Variants in MACROD1 observed in about 807,000 individuals in gnomAD.
MACROD1 encodes the protein mono-ADP ribosylhydrolase 1, also known as ADP-ribose glycohydrolase MACROD1.
In MACROD1, 31 loss-of-function variants were observed where a neutral mutation model predicts 41.4. The observed-to-expected ratio is 0.75, with a 90% CI of 0.56 to 1.01. MACROD1 has a LOEUF of 1.01. Ranked by LOEUF, MACROD1 falls within the 50% of genes least tolerant of loss-of-function variation. The probability of loss-of-function intolerance (pLI) is 0.00; values close to 1 mark genes in which losing one functional copy is unlikely to be tolerated. For synonymous variants in MACROD1, 252 were observed against 203.4 expected (o/e 1.24, Z -2.03); for missense variants, 473 against 460.0 (o/e 1.03, Z -0.26).
At position 64,113,871 on chromosome 11, in the gene MACROD1, C is replaced by CATGGATGGATGG. The variant is rs202172057; in HGVS notation, c.517+37356_517+37367dup. Among the ~76,000 whole-genome samples the CATGGATGGATGG allele has an allele frequency of 1.8e-4, 14 of 77,912 alleles. No homozygotes were observed. In the East Asian group the frequency reaches 2.0e-3, roughly 11 times the overall value. The allele number at this position is 77,912 out of a possible 152,430, so 51.1% of individuals were successfully genotyped here. The stretch of plus-strand genomic sequence containing the variant: ...GGACAGCTGGATGTATGGATTGATA[C>CATGGATGGATGG]ATGGATGGATGGATGGATGGATGGA... On this transcript the variant is annotated intron_variant, in intron 3 of 10. Transcript: ENST00000255681.
In MACROD1 at chr11:64,072,108, C is replaced by T. The variant is rs1168073335; in HGVS notation, c.518-56827G>A. ...TCGAATCGACTGCTGAACTCATAAC[C>T]GCTGGGGCCTGCCCCGGCTGGCAGC... On this transcript the variant is annotated intron_variant, in intron 3 of 10. Coordinates refer to ENST00000255681, the MANE Select transcript of MACROD1 (RefSeq NM_014067.4). Among the ~76,000 whole-genome samples the T allele has an allele frequency of 3.3e-5, 5 of 152,346 alleles. No individual in the cohort carries two copies. The South Asian group carries it at 6.2e-4, about 19-fold the overall frequency.
intron 3 of MACROD1, among the ~76,000 whole-genome samples, chr11:64,057,263 T>C (rs1182425061): frequency 6.6e-6 from 1 of 152,198 alleles, no homozygotes; most frequent in Non-Finnish European, 1.5e-5. Context: ...AGCCCATTGG[T>C]GGTTCCTCCC....
intron 4 of MACROD1, 45 bp downstream of exon 4, chr11:64,015,207 G>A (rs765237659): frequency 6.4e-7 from 1 of 1,558,428 alleles, no homozygotes; most frequent in African/African-American, 1.4e-5. Context: ...ACCCAGCAGG[G>A]GAGATGCCAC....
intron 3 of MACROD1, among the ~76,000 whole-genome samples, chr11:64,075,008 C>G (rs192102983): frequency 2.2e-3 from 334 of 152,358 alleles, no homozygotes; most frequent in Non-Finnish European, 3.7e-3. Flanking sequence ...AAAGGGAGGT[C>G]CAGGAATTCA....
intron 3 of MACROD1, among the ~76,000 whole-genome samples, chr11:64,087,703 C>T (rs1478001412): frequency 6.6e-6 from 1 of 152,238 alleles, no homozygotes; most frequent in Non-Finnish European, 1.5e-5. Context: ...CATGATGCTG[C>T]ATGCTTGGCC....
At chr11:64,092,585 C>G (rs71454590) in intron 3 of MACROD1, among the ~76,000 whole-genome samples, 1 of 152,256 alleles carries the variant, frequency 6.6e-6, no homozygotes, top group African/African-American at 2.4e-5. Context: ...CCCGGCTCCT[C>G]TGCCCCGTCC....
chr11:64,098,604 G>A (rs1183976982), intron 3 of MACROD1, among the ~76,000 whole-genome samples: 3 of 152,196 alleles, frequency 2.0e-5, no homozygotes, highest in African/African-American at 7.2e-5. Context: ...CAGAGCCATG[G>A]AACAAACTCC....
rs1590881926 is a variant in MACROD1, at chr11:64,082,451, G to T, written c.518-67170C>A. ...GGGCAGGCAGGTGAGGGGCTTGAGG[G>T]CAGGGCTGAGGGACTGAGGGCCAGG... On this transcript the variant is annotated intron_variant, in intron 3 of 10. Transcript: ENST00000255681. This position sits in a 1 kb window ranked among gnomAD's most constrained non-coding sequence, Gnocchi z 4.5. Among the ~76,000 whole-genome samples, 1 of 152,220 alleles carries T rather than the reference G, an allele frequency of 6.6e-6. No individual in the cohort carries two copies. Among genetic ancestry groups the T allele is most frequent in the East Asian group, 1.9e-4 (1 of 5,154 alleles).
intron 3 of MACROD1, among the ~76,000 whole-genome samples, chr11:64,032,114 A>AC: frequency 6.6e-6 from 1 of 151,318 alleles, no homozygotes; most frequent in Admixed American, 6.6e-5. Flanking sequence ...CACAGACCCC[A>AC]CCCCCCAGTG....
intron 4 of MACROD1, among the ~76,000 whole-genome samples, chr11:64,002,527 C>G (rs556593329): frequency 8.5e-5 from 13 of 152,270 alleles, no homozygotes; most frequent in African/African-American, 3.1e-4. Context: ...TCCCCTAAAG[C>G]AGAGATGAGG....
At chr11:64,165,673 G>C in intron 1 of MACROD1, 24 bp downstream of exon 1, 1 of 1,383,388 alleles carries the variant, frequency 7.2e-7, no homozygotes, top group South Asian at 1.8e-5. Flanking sequence ...CCTCTCCCTC[G>C]CGCCCCCTCG....
At chr11:64,053,478 C>T (rs1279355978) in intron 3 of MACROD1, among the ~76,000 whole-genome samples, 1 of 152,094 alleles carries the variant, frequency 6.6e-6, no homozygotes, top group African/African-American at 2.4e-5. Flanking sequence ...TCTGTGGCCC[C>T]GATGGGAGTG....
intron 3 of MACROD1, among the ~76,000 whole-genome samples, chr11:64,045,856 G>A (rs1268537095): frequency 1.3e-5 from 2 of 152,208 alleles, no homozygotes; most frequent in Non-Finnish European, 2.9e-5. Flanking sequence ...GGAGGCTGAG[G>A]CAGGAGGATG....
intron 3 of MACROD1, among the ~76,000 whole-genome samples, chr11:64,026,352 T>C (rs145886482): frequency 1.4e-4 from 21 of 152,222 alleles, no homozygotes; most frequent in African/African-American, 4.6e-4. Context: ...TAATGTTCCA[T>C]GGTGGAACTA....
In MACROD1 at chr11:63,999,034, C is replaced by T; in HGVS notation, c.894G>A (p.Val298=). The change falls in exon 9 of 11, where the codon GTG becomes GTA. Residue 298 remains valine, a splice_region_variant and synonymous_variant. Coordinates refer to ENST00000255681, the MANE Select transcript of MACROD1 (RefSeq NM_014067.4). The part of the protein sequence containing the change: ...REWLEQHKDK[V]DRLIICVFLE... The stretch of plus-strand genomic sequence containing the variant: ...GGAACACGCAGATGATCAGCCGGTC[C>T]ACCTGCGCCAGGGGCTGCTCAGCCT... The T allele has an allele frequency of 6.2e-7, 1 of 1,602,202 alleles. No homozygotes were observed.
intron 3 of MACROD1, among the ~76,000 whole-genome samples, chr11:64,088,693 G>A (rs531418876): frequency 2.6e-5 from 4 of 152,242 alleles, no homozygotes; most frequent in African/African-American, 4.8e-5. Context: ...TCTGGGTCTC[G>A]GCTGCCCTGT....
At chr11:64,105,976 T>C (rs111349830) in intron 3 of MACROD1, among the ~76,000 whole-genome samples, 1,618 of 6,528 alleles carry the variant, frequency 0.25, 29 homozygotes, top group African/African-American at 0.4. Flanking sequence ...ATCTGTGGGG[T>C]GGGCGGGAGG....
At chr11:64,091,216 C>T (rs1433013496) in intron 3 of MACROD1, among the ~76,000 whole-genome samples, 1 of 151,992 alleles carries the variant, frequency 6.6e-6, no homozygotes, top group East Asian at 1.9e-4. Flanking sequence ...GCAGTGGCAG[C>T]CTCCGCTGCA....
At chr11:64,072,313 T>C (rs2134465553) in intron 3 of MACROD1, among the ~76,000 whole-genome samples, 1 of 152,062 alleles carries the variant, frequency 6.6e-6, no homozygotes, top group South Asian at 2.1e-4. Context: ...TAGCAGCCTG[T>C]GGCTGCACCA....
Sources: gnomAD v4.1 joint callset for allele counts (sites outside exome capture counted in the v4.1 genomes callset) on GRCh38, gnomAD v4.1.1 for gene constraint, Gnocchi (gnomAD v3.1) non-coding constraint, MANE v1.5 for transcripts, NCBI Gene and HGNC (gene_info 2026-07-23, HGNC 2026-07-21) for gene names.